ST8SIA2: variants seen among roughly 807,000 people sequenced by gnomAD.
ST8SIA2 encodes ST8 alpha-N-acetyl-neuraminide alpha-2,8-sialyltransferase 2, also known as alpha-2,8-sialyltransferase 8B.
ST8SIA2 carries 22 observed loss-of-function variants against 37.6 expected under a neutral mutation model. The ratio of observed to expected loss-of-function variants is 0.58; its 90% CI spans 0.42 to 0.83. The LOEUF (loss-of-function observed/expected upper bound fraction) is 0.83, where lower values mean the gene tolerates loss of function less well. Ranked by LOEUF, ST8SIA2 falls within the 40% of genes least tolerant of loss-of-function variation. ST8SIA2 has a pLI of 0.00. For missense variants in ST8SIA2, 382 were observed against 484.7 expected (o/e 0.79, Z 1.99); for synonymous variants, 205 against 201.2 (o/e 1.02, Z -0.16).
At chr15:92,442,459 C>G (rs8024780) in intron 4 of ST8SIA2, among the ~76,000 whole-genome samples, 81,645 of 151,802 alleles carry the variant, frequency 0.54, 22,867 homozygotes, top group East Asian at 0.7. Flanking sequence ...GTGCCACATC[C>G]CCTTCATTCT....
At chr15:92,450,917 T>C (rs1313705824) in intron 5 of ST8SIA2, among the ~76,000 whole-genome samples, 1 of 152,186 alleles carries the variant, frequency 6.6e-6, no homozygotes, top group Non-Finnish European at 1.5e-5. Flanking sequence ...GCTTTGCTGG[T>C]GGGAATTTCA....
chr15:92,394,224 C>T (rs2049412590), intron 1 of ST8SIA2, 62 bp downstream of exon 1: 16 of 1,366,468 alleles, frequency 1.2e-5, no homozygotes, highest in Non-Finnish European at 1.5e-5. Context: ...TCCTTCTGTA[C>T]TCTCCACCCT....
intron 3 of ST8SIA2, 145 bp from the exon 4 acceptor site, chr15:92,438,208 T>G: frequency 8.1e-7 from 1 of 1,239,134 alleles, no homozygotes; most frequent in South Asian, 1.2e-5. Context: ...GAACCTGTTC[T>G]CGAGGGCATC....
intron 1 of ST8SIA2, among the ~76,000 whole-genome samples, chr15:92,413,575 G>A (rs2049565754): frequency 6.6e-6 from 1 of 152,164 alleles, no homozygotes; most frequent in African/African-American, 2.4e-5. Context: ...CATCCTCACT[G>A]CACACTTACT....
intron 5 of ST8SIA2, among the ~76,000 whole-genome samples, chr15:92,452,984 A>G (rs1596248841): frequency 6.6e-6 from 1 of 152,062 alleles, no homozygotes; most frequent in Non-Finnish European, 1.5e-5. Context: ...CATTCAACAC[A>G]TCTGAGTCTC....
chr15:92,426,265 T>C (rs2049674859), intron 1 of ST8SIA2, among the ~76,000 whole-genome samples: 2 of 151,968 alleles, frequency 1.3e-5, no homozygotes, highest in African/African-American at 4.8e-5. Flanking sequence ...CAGCTGAGAA[T>C]TGAAAATTGG....
At chr15:92,425,003 T>C (rs1301969991) in intron 1 of ST8SIA2, among the ~76,000 whole-genome samples, 1 of 152,192 alleles carries the variant, frequency 6.6e-6, no homozygotes, top group Non-Finnish European at 1.5e-5. Context: ...TTCTATAGAG[T>C]TCTTTATAGT....
At chr15:92,418,485 G>C (rs76086565) in intron 1 of ST8SIA2, among the ~76,000 whole-genome samples, 1 of 144,208 alleles carries the variant, frequency 6.9e-6, no homozygotes, top group African/African-American at 2.6e-5. Context: ...AAAAAAAAAG[G>C]CTTCGGTAGA....
At chr15:92,431,420 G>A (rs990783801) in intron 2 of ST8SIA2, among the ~76,000 whole-genome samples, 11 of 152,196 alleles carry the variant, frequency 7.2e-5, no homozygotes, top group Admixed American at 5.9e-4. Flanking sequence ...TTTGAGGAGT[G>A]TTTAAGGATT....
chr15:92,410,887 A>T (rs561632620), intron 1 of ST8SIA2, among the ~76,000 whole-genome samples: 4 of 152,330 alleles, frequency 2.6e-5, no homozygotes, highest in African/African-American at 9.6e-5. Context: ...TTGAGCTGGA[A>T]AAAGAATGAC....
At chr15:92,459,954 T>A (rs557837664) in intron 5 of ST8SIA2, among the ~76,000 whole-genome samples, 2 of 152,298 alleles carry the variant, frequency 1.3e-5, no homozygotes, top group East Asian at 3.9e-4. Flanking sequence ...GGGACCACCA[T>A]ACTCAACAAC....
rs531331440 is a variant in ST8SIA2 at position 92,445,077 on chromosome 15, C to T, written c.842+148C>T. ...AGCAAGTCACCTGGCCTTTCTGAGC[C>T]TCCATTCCTTGAGAGATGAGGGGGT... On this transcript the variant is annotated intron_variant, in intron 5 of 5. Coordinates refer to ENST00000268164, the MANE Select transcript of ST8SIA2 (RefSeq NM_006011.4). 3.8e-5 allele frequency: 45 copies of T among 1,196,598 alleles called. 2 individuals are homozygous for T. The South Asian group carries it at 5.6e-4, about 15-fold the overall frequency. 74.1% of individuals were successfully genotyped at this position (1,196,598 alleles called of 1,614,324 possible).
At chr15:92,453,857 T>C (rs2049900442) in intron 5 of ST8SIA2, among the ~76,000 whole-genome samples, 1 of 152,194 alleles carries the variant, frequency 6.6e-6, no homozygotes, top group Non-Finnish European at 1.5e-5. Context: ...CATTGGCTCA[T>C]AGATTTGCTC....
chr15:92,445,225 T>C, intron 5 of ST8SIA2: 1 of 504,342 alleles, frequency 2.0e-6, no homozygotes, highest in Non-Finnish European at 3.6e-6. Flanking sequence ...ACAGACGCCA[T>C]GAACATGGGA....
chr15:92,434,671 G>A (rs1015090518), intron 3 of ST8SIA2, among the ~76,000 whole-genome samples: 1 of 152,226 alleles, frequency 6.6e-6, no homozygotes, highest in Non-Finnish European at 1.5e-5. Context: ...TCTGGGCAGT[G>A]GAGGCCACAG....
At chr15:92,456,347 C>T (rs2049919458) in intron 5 of ST8SIA2, among the ~76,000 whole-genome samples, 1 of 59,860 alleles carries the variant, frequency 1.7e-5, no homozygotes, top group Non-Finnish European at 4.5e-5. Flanking sequence ...CCAGAATGAA[C>T]CTCTAGCCTC....
intron 5 of ST8SIA2, among the ~76,000 whole-genome samples, chr15:92,459,913 G>T (rs1378807104): frequency 6.6e-6 from 1 of 152,180 alleles, no homozygotes; most frequent in Non-Finnish European, 1.5e-5. Flanking sequence ...TAAAAATCCT[G>T]ATTTCTAATA....
intron 4 of ST8SIA2, among the ~76,000 whole-genome samples, chr15:92,442,173 C>G (rs1255920238): frequency 6.6e-6 from 1 of 152,232 alleles, no homozygotes; most frequent in Non-Finnish European, 1.5e-5. Flanking sequence ...AGAGCTCCCC[C>G]AACCCAGCAT....
intron 4 of ST8SIA2, among the ~76,000 whole-genome samples, chr15:92,439,901 C>T (rs932945742): frequency 1.3e-5 from 2 of 152,022 alleles, no homozygotes; most frequent in Non-Finnish European, 2.9e-5. Flanking sequence ...AAGGCCTCCT[C>T]CCAAGGGGTC....
Sources: gnomAD v4.1 joint callset for allele counts (sites outside exome capture counted in the v4.1 genomes callset) on GRCh38, gnomAD v4.1.1 for gene constraint, MANE v1.5 for transcripts, NCBI Gene and HGNC (gene_info 2026-07-23, HGNC 2026-07-21) for gene names.